The following MGAT4C variants were observed in gnomAD, a reference collection of about 807,000 sequenced individuals.
The protein encoded by MGAT4C is MGAT4 family member C.
Under a neutral mutation model 40.1 loss-of-function variants are expected in MGAT4C, and 19 were observed. The ratio of observed to expected loss-of-function variants is 0.47; its 90% confidence interval spans 0.33 to 0.70. The LOEUF (loss-of-function observed/expected upper bound fraction) is 0.70, where lower values mean the gene tolerates loss of function less well. Ranked by LOEUF, MGAT4C falls within the 30% of genes least tolerant of loss-of-function variation. The pLI, the probability that MGAT4C is intolerant of heterozygous loss-of-function variation, is 0.02. For missense variants in MGAT4C, 491 were observed against 563.2 expected (o/e 0.87, Z 1.30); for synonymous variants, 181 against 187.1 (o/e 0.97, Z 0.27).
intron 4 of MGAT4C, among the ~76,000 whole-genome samples, chr12:86,267,536 T>C (rs1357708192): frequency 6.6e-6 from 1 of 152,280 alleles, no homozygotes; most frequent in African/African-American, 2.4e-5. Flanking sequence ...TTAAATAAAA[T>C]TTTAGATTTA....
intron 2 of MGAT4C, among the ~76,000 whole-genome samples, chr12:86,010,378 CT>C (rs1888336302): frequency 6.6e-6 from 1 of 152,100 alleles, no homozygotes; most frequent in South Asian, 2.1e-4. Context: ...GAATGTTTGT[CT>C]TTTTTAAAAC....
chr12:86,347,017 G>A (rs990942735), intron 3 of MGAT4C, among the ~76,000 whole-genome samples: 3 of 151,950 alleles, frequency 2.0e-5, no homozygotes, highest in Non-Finnish European at 4.4e-5. Context: ...AGGGGCTCTC[G>A]GGCCTTTGGG....
intron 2 of MGAT4C, among the ~76,000 whole-genome samples, chr12:86,669,820 C>T (rs1964208389): frequency 6.6e-6 from 1 of 152,184 alleles, no homozygotes; most frequent in South Asian, 2.1e-4. Flanking sequence ...CAAGAATATG[C>T]CCAGCCATGT....
At chr12:86,586,664 C>T (rs1305301434) in intron 2 of MGAT4C, among the ~76,000 whole-genome samples, 2 of 140,932 alleles carry the variant, frequency 1.4e-5, no homozygotes, top group Non-Finnish European at 3.1e-5. Flanking sequence ...GAGATGATAT[C>T]TCATTGTGGT....
chr12:86,637,696 G>A (rs909503164), intron 2 of MGAT4C, among the ~76,000 whole-genome samples: 2 of 151,268 alleles, frequency 1.3e-5, no homozygotes, highest in East Asian at 2.0e-4. Flanking sequence ...TATGATTATC[G>A]AGTCAATGCA....
intron 1 of MGAT4C, among the ~76,000 whole-genome samples, chr12:86,794,685 G>A (rs1952081347): frequency 1.3e-5 from 2 of 151,796 alleles, no homozygotes; most frequent in African/African-American, 4.8e-5. Context: ...TTCTCTGAGG[G>A]AACTTTGTAC....
chr12:86,569,358 T>C (rs1202266658), intron 2 of MGAT4C, among the ~76,000 whole-genome samples: 3 of 151,978 alleles, frequency 2.0e-5, no homozygotes, highest in East Asian at 1.9e-4. Flanking sequence ...ATAACCCCAT[T>C]AAAAAGTTGG....
intron 2 of MGAT4C, among the ~76,000 whole-genome samples, chr12:86,592,829 T>C (rs1961384651): frequency 6.6e-6 from 1 of 152,192 alleles, no homozygotes; most frequent in Non-Finnish European, 1.5e-5. Context: ...TTCACCTAAA[T>C]ATGTATTGAA....
rs79210937 is a variant in MGAT4C, at chr12:86,235,030, T to C, written c.-57+21209A>G. Among the ~76,000 whole-genome samples, 904 of 152,246 alleles carry C rather than the reference T, an allele frequency of 5.9e-3. 5 individuals are homozygous for C. The highest frequency in any genetic ancestry group is 0.01 in the Middle Eastern group (3 of 294). On this transcript the variant is annotated intron_variant, in intron 1 of 4. Transcript: ENST00000611864. ...TTGATATTTTTAAAAGACCTGTGCT[T>C]AGCCTTTTATTTTTTTCTTTTACTT...
intron 2 of MGAT4C, among the ~76,000 whole-genome samples, chr12:86,487,464 T>A (rs568033729): frequency 5.3e-5 from 8 of 152,330 alleles, no homozygotes; most frequent in African/African-American, 1.9e-4. Flanking sequence ...GAGTGGCTAT[T>A]GACTTTAGTT....
intron 3 of MGAT4C, among the ~76,000 whole-genome samples, chr12:86,433,357 C>CATAT (rs36089495): frequency 3.1e-4 from 47 of 150,188 alleles, no homozygotes; most frequent in Non-Finnish European, 4.3e-4. Flanking sequence ...TGTGTGTGTG[C>CATAT]ATATATATAT....
At chr12:86,732,594 T>C (rs1236033143) in intron 1 of MGAT4C, among the ~76,000 whole-genome samples, 2 of 152,006 alleles carry the variant, frequency 1.3e-5, no homozygotes, top group Non-Finnish European at 2.9e-5. Context: ...GAGTTCGGAC[T>C]CCTGTGAGAC....
chr12:86,413,649 T>C (rs1465006522), intron 3 of MGAT4C, among the ~76,000 whole-genome samples: 1 of 152,206 alleles, frequency 6.6e-6, no homozygotes, highest in Non-Finnish European at 1.5e-5. Context: ...GCAGAGATGT[T>C]ACAAAGTCAA....
intron 2 of MGAT4C, among the ~76,000 whole-genome samples, chr12:86,627,779 GA>G: frequency 6.6e-6 from 1 of 150,962 alleles, no homozygotes; most frequent in Non-Finnish European, 1.5e-5. Flanking sequence ...AAACCACACA[GA>G]TGGGGAGAAA....
chr12:86,601,982 G>C (rs1452917053), intron 2 of MGAT4C, among the ~76,000 whole-genome samples: 1 of 152,170 alleles, frequency 6.6e-6, no homozygotes, highest in Non-Finnish European at 1.5e-5. Context: ...CCGCGTTCCC[G>C]TTGTCCAGAA....
intron 2 of MGAT4C, among the ~76,000 whole-genome samples, chr12:86,647,437 T>C (rs1351553972): frequency 6.6e-6 from 1 of 151,930 alleles, no homozygotes; most frequent in Admixed American, 6.6e-5. Flanking sequence ...GGTGTTTATG[T>C]AAATTGATCA....
chr12:86,183,595 TG>T lies in MGAT4C; in HGVS notation c.-57+72643del, dbSNP rs202174945. Among the ~76,000 whole-genome samples, 1,407 of 152,234 alleles carry T rather than the reference TG, an allele frequency of 9.2e-3. 22 individuals are homozygous for T. Among genetic ancestry groups the T allele is most frequent in the African/African-American group, 0.032 (1,322 of 41,522 alleles). The stretch of plus-strand genomic sequence containing the variant: ...CATAACAAGAACATCATAAATTGAG[TG>T]GTGTAAACAACAGAAATTTACTTCC... On this transcript the variant is annotated intron_variant, in intron 1 of 4. Transcript: ENST00000611864.
At chr12:86,333,211 G>A (rs188269950) in intron 4 of MGAT4C, among the ~76,000 whole-genome samples, 1 of 152,194 alleles carries the variant, frequency 6.6e-6, no homozygotes, top group East Asian at 1.9e-4. Context: ...AAAGCCACAT[G>A]GCATGTTTCC....
At chr12:86,640,065 C>G (rs1963335299) in intron 2 of MGAT4C, among the ~76,000 whole-genome samples, 2 of 151,464 alleles carry the variant, frequency 1.3e-5, no homozygotes, top group Admixed American at 6.6e-5. Context: ...GTTTCATTTT[C>G]TAATTATTCA....
Sources: allele counts gnomAD v4.1 joint callset (sites outside exome capture counted in the v4.1 genomes callset), GRCh38; gene constraint gnomAD v4.1.1; transcripts MANE v1.5; gene names NCBI Gene and HGNC (gene_info 2026-07-23, HGNC 2026-07-21).